SMCO2: variants seen among roughly 807,000 people sequenced by gnomAD.
SMCO2 encodes the protein single-pass membrane protein with coiled-coil domains 2.
Under a neutral mutation model 29.5 loss-of-function variants are expected in SMCO2, and 25 were observed. The ratio of observed to expected loss-of-function variants is 0.85; its 90% CI spans 0.62 to 1.18. SMCO2 has a LOEUF of 1.18. SMCO2 is among the 50% of genes most tolerant of loss of function. The pLI, the probability that SMCO2 is intolerant of heterozygous loss-of-function variation, is 0.00. For synonymous variants in SMCO2, 117 were observed against 123.3 expected (o/e 0.95, Z 0.34); for missense variants, 348 against 344.5 (o/e 1.01, Z -0.08).
chr12:27,436,866 C>G, the SMCO2 span, among the ~76,000 whole-genome samples: 1 of 152,124 alleles, frequency 6.6e-6, no homozygotes, highest in African/African-American at 2.4e-5. Context: ...GTTGTCTTGC[C>G]CATTCCCTAT....
the SMCO2 span, among the ~76,000 whole-genome samples, chr12:27,437,994 T>C: frequency 5.3e-5 from 8 of 152,288 alleles, no homozygotes; most frequent in Non-Finnish European, 7.4e-5. Flanking sequence ...CTCTTCACAG[T>C]TGGGTTTTTA....
At chr12:27,465,333 C>A (rs1241757864), upstream of SMCO2, among the ~76,000 whole-genome samples, 1 of 152,142 alleles carries the variant, frequency 6.6e-6, no homozygotes, top group Non-Finnish European at 1.5e-5. Context: ...TGTGATGGAA[C>A]TAGTAGTAAG....
chr12:27,495,619 ATAG>A, intron 6 of SMCO2, 58 bp from the exon 8 acceptor site: 1 of 1,383,548 alleles, frequency 7.2e-7, no homozygotes, highest in Non-Finnish European at 9.6e-7. Flanking sequence ...AGCATTATCT[ATAG>A]TAAGACTTGG....
At chr12:27,434,485 T>C in the SMCO2 span, among the ~76,000 whole-genome samples, 1 of 152,280 alleles carries the variant, frequency 6.6e-6, no homozygotes, top group South Asian at 2.1e-4. Context: ...AAATATAACA[T>C]CTAATGAGCT....
chr12:27,424,124 A>C, the SMCO2 span: 1 of 152,222 alleles, frequency 6.6e-6, no homozygotes, highest in South Asian at 2.1e-4. Context: ...ATGTGGCTAG[A>C]AGAAAATAAA....
intron 6 of SMCO2, among the ~76,000 whole-genome samples, chr12:27,494,719 A>G (rs1942977298): frequency 6.6e-6 from 1 of 151,836 alleles, no homozygotes; most frequent in South Asian, 2.1e-4. Flanking sequence ...ATGTGTTTTC[A>G]TTGTTCAACT....
At chr12:27,489,120 C>G (rs868188727) in intron 5 of SMCO2, among the ~76,000 whole-genome samples, 2 of 152,218 alleles carry the variant, frequency 1.3e-5, no homozygotes, top group African/African-American at 4.8e-5. Context: ...ATGATCTTGG[C>G]TCATTGCAAT....
chr12:27,474,140 A>G (rs2135548661), intron 3 of SMCO2, among the ~76,000 whole-genome samples: 1 of 152,318 alleles, frequency 6.6e-6, no homozygotes, highest in East Asian at 1.9e-4. Flanking sequence ...CTTTGTGTAT[A>G]TAAATAGATG....
At chr12:27,489,132 T>G (rs1313060449) in intron 5 of SMCO2, among the ~76,000 whole-genome samples, 1 of 152,152 alleles carries the variant, frequency 6.6e-6, no homozygotes, top group Non-Finnish European at 1.5e-5. Context: ...CATTGCAATC[T>G]CCGCCTCCCG....
At chr12:27,466,682 A>C (rs1234498511), upstream of SMCO2, 1 of 152,800 alleles carries the variant, frequency 6.5e-6, no homozygotes, top group Non-Finnish European at 1.5e-5. Context: ...GGAGGCTGAG[A>C]GACAGGCTAG....
intron 5 of SMCO2, among the ~76,000 whole-genome samples, chr12:27,489,427 G>A (rs545499838): frequency 1.3e-5 from 2 of 152,044 alleles, no homozygotes; most frequent in Non-Finnish European, 2.9e-5. Context: ...GTTAGATTTC[G>A]GAGTCCTGGC....
intron 5 of SMCO2, 154 bp from the exon 7 acceptor site, chr12:27,494,146 C>T (rs1165641268): frequency 2.1e-6 from 1 of 467,648 alleles, no homozygotes; most frequent in Non-Finnish European, 3.8e-6. Flanking sequence ...TTTATGATTA[C>T]ACTATGAATT....
intron 2 of SMCO2, 110 bp downstream of exon 2, chr12:27,470,875 C>T: frequency 8.2e-7 from 1 of 1,223,034 alleles, no homozygotes; most frequent in South Asian, 1.6e-5. Context: ...TCTAGGTTGA[C>T]AGTCTTCACT....
chr12:27,478,780 C>CCA (rs771071477), intron 4 of SMCO2, among the ~76,000 whole-genome samples: 18,232 of 152,008 alleles, frequency 0.12, 2,090 homozygotes, highest in African/African-American at 0.28. Flanking sequence ...TGTTGGTACC[C>CCA]TGAAGGCAGG....
chr12:27,489,056 C>CA (rs1381953678), intron 5 of SMCO2, among the ~76,000 whole-genome samples: 5 of 147,968 alleles, frequency 3.4e-5, no homozygotes, highest in Non-Finnish European at 7.5e-5. Context: ...ACTTTCTTTC[C>CA]TTTTTTTTTT....
chr12:27,474,767 C>CCAT lies in SMCO2; in HGVS notation c.235-11_235-9dup. The CCAT allele has an allele frequency of 3.2e-6, 5 of 1,551,200 alleles. No homozygotes were observed. The highest frequency in any genetic ancestry group is 4.4e-6 in the Non-Finnish European group (5 of 1,146,544). On this transcript the variant is annotated intron_variant, in intron 3 of 7. Transcript: ENST00000298876. Reference sequence around the variant, plus strand: ...ACTAACCTTTTGTTCTGCTTTGCTTCCATCATCATCTTTACCAGGGTATGT... The same window carrying CCAT: ...ACTAACCTTTTGTTCTGCTTTGCTTCCATCATCATCATCTTTACCAGGGTATGT...
the SMCO2 span, among the ~76,000 whole-genome samples, chr12:27,452,127 G>A: frequency 6.6e-6 from 1 of 152,150 alleles, no homozygotes; most frequent in Non-Finnish European, 1.5e-5. Context: ...CAGAAGGATT[G>A]CGGAGTCATA....
intron 5 of SMCO2, among the ~76,000 whole-genome samples, chr12:27,489,602 G>A (rs149375774): frequency 0.015 from 2,300 of 152,276 alleles, 15 homozygotes; most frequent in South Asian, 0.032. Context: ...TTTTATTAAA[G>A]GAAGGTGTCA....
chr12:27,490,313 G>A (rs1018229562), intron 5 of SMCO2, among the ~76,000 whole-genome samples: 2 of 152,174 alleles, frequency 1.3e-5, no homozygotes, highest in Non-Finnish European at 2.9e-5. Context: ...AGGCAAAATT[G>A]TAGGAACAGA....
Sources: gnomAD v4.1 joint callset for allele counts (sites outside exome capture counted in the v4.1 genomes callset) on GRCh38, gnomAD v4.1.1 for gene constraint, MANE v1.5 for transcripts, NCBI Gene and HGNC (gene_info 2026-07-23, HGNC 2026-07-21) for gene names.